The following ZNF560 variants were observed in gnomAD, a reference collection of about 807,000 sequenced individuals.
ZNF560 encodes the protein zinc finger protein 560.
ZNF560 carries 54 observed loss-of-function variants against 81.8 expected under a neutral mutation model. That is an observed-to-expected ratio of 0.66 (90% CI 0.53 to 0.83). The LOEUF is 0.83. Ranked by LOEUF, ZNF560 falls within the 40% of genes least tolerant of loss-of-function variation. ZNF560 has a pLI of 0.00. For synonymous variants in ZNF560, 321 were observed against 317.9 expected (o/e 1.01, Z -0.10); for missense variants, 940 against 932.4 (o/e 1.01, Z -0.11).
At chr19:9,499,555 A>C (rs1168015486), upstream of ZNF560, among the ~76,000 whole-genome samples, 2 of 152,198 alleles carry the variant, frequency 1.3e-5, no homozygotes, top group East Asian at 1.9e-4. Flanking sequence ...CTCAAATCTT[A>C]TCAAATGATT....
At chr19:9,464,941 C>T (rs978000328), downstream of ZNF560, among the ~76,000 whole-genome samples, 8 of 151,938 alleles carry the variant, frequency 5.3e-5, no homozygotes, top group South Asian at 2.1e-4. Context: ...CACTAAAGGA[C>T]GAAGAATATA....
At chr19:9,485,960 A>G (rs1341177361) in intron 2 of ZNF560, among the ~76,000 whole-genome samples, 1 of 152,224 alleles carries the variant, frequency 6.6e-6, no homozygotes, top group Non-Finnish European at 1.5e-5. Context: ...CATGAAAGGC[A>G]TCTGCCATAA....
rs201321286 is a variant in ZNF560 at position 9,466,853 on chromosome 19, G to T, written c.2094C>A (p.Cys698Ter). Residue 698 changes from cysteine to a stop codon, truncating the protein, a stop_gained, in exon 10 of 10, where the codon TGC becomes TGA. Transcript: ENST00000301480. LOFTEE classifies it high-confidence loss of function. ...ACGNSFRNSM[C>*]FHDRLKTLTK... is the part of the protein sequence containing the mutation. Reference sequence around the variant, plus strand: ...TGAGAGTTTTTAAGCGATCATGAAAGCACATGGAATTTCGAAAGGAATTTC... The same window carrying T: ...TGAGAGTTTTTAAGCGATCATGAAATCACATGGAATTTCGAAAGGAATTTC... The T allele has an allele frequency of 1.9e-4, 306 of 1,613,528 alleles. No individual in the cohort carries two copies. The highest frequency in any genetic ancestry group is 2.5e-4 in the Non-Finnish European group (294 of 1,179,944).
At chr19:9,456,780 A>G in the ZNF560 span, among the ~76,000 whole-genome samples, 1 of 152,208 alleles carries the variant, frequency 6.6e-6, no homozygotes, top group Non-Finnish European at 1.5e-5. Context: ...TAACTTCTAT[A>G]CCTATAAATT....
downstream of ZNF560, among the ~76,000 whole-genome samples, chr19:9,466,194 A>G (rs999715067): frequency 1.3e-5 from 2 of 151,710 alleles, no homozygotes; most frequent in African/African-American, 4.8e-5. Context: ...AAAATATAAA[A>G]AATTAGCCAG....
At chr19:9,483,267 G>A (rs1253724448) in intron 2 of ZNF560, among the ~76,000 whole-genome samples, 4 of 149,346 alleles carry the variant, frequency 2.7e-5, no homozygotes, top group Non-Finnish European at 5.9e-5. Context: ...GAGCACCTCT[G>A]CCCCGCCGCC....
chr19:9,477,269 A>G lies in ZNF560; in HGVS notation c.-56-1900T>C, dbSNP rs142698181. ...AACAATATCCCTATTTAGTGCTGAA[A>G]AAAATCTAAATTCAGAAAACACAAA... On this transcript the variant is annotated intron_variant, in intron 2 of 9. Transcript: ENST00000301480. 3.8e-3 allele frequency among the ~76,000 whole-genome samples: 585 copies of G among 152,254 alleles called. 4 individuals carry two copies. The highest frequency in any genetic ancestry group is 0.013 in the African/African-American group (557 of 41,512).
the ZNF560 span, among the ~76,000 whole-genome samples, chr19:9,455,951 A>G: frequency 6.6e-6 from 1 of 152,206 alleles, no homozygotes; most frequent in East Asian, 1.9e-4. Flanking sequence ...CCAACTACCC[A>G]TTGATGGAAA....
Position 9,474,317 on chromosome 19 carries a change from C to A in ZNF560, c.39G>T (p.Val13=), listed in dbSNP as rs368103962. 1.9e-6 allele frequency: 3 copies of A among 1,612,558 alleles called. No individual in the cohort carries two copies. In the African/African-American group the frequency reaches 4.0e-5, roughly 22 times the overall value. Residue 13 remains valine (V), a synonymous_variant, in exon 4 of 10, where the codon GTG becomes GTT. Transcript: ENST00000301480. ...YCLTNCYQYS[V]TFEDTAVDFT... ...AGTCCACAGCTGTATCCTCAAAGGT[C>A]ACGGAGTACTAAACCATCACATACA...
intron 4 of ZNF560, among the ~76,000 whole-genome samples, chr19:9,473,603 G>C (rs1342828110): frequency 6.6e-6 from 1 of 151,954 alleles, no homozygotes; most frequent in Non-Finnish European, 1.5e-5. Flanking sequence ...AATGGAAGAG[G>C]CTCATGCAAG....
intron 2 of ZNF560, among the ~76,000 whole-genome samples, chr19:9,495,683 G>C (rs1254345197): frequency 6.6e-6 from 1 of 152,058 alleles, no homozygotes; most frequent in South Asian, 2.1e-4. Context: ...CTCCAGCCTG[G>C]GCAACAGAGC....
downstream of ZNF560, among the ~76,000 whole-genome samples, chr19:9,465,196 T>C (rs2072996230): frequency 2.0e-5 from 3 of 150,240 alleles, no homozygotes; most frequent in African/African-American, 7.4e-5. Context: ...AGTGGCATGA[T>C]CTTGGCTAAC....
chr19:9,461,896 A>T (rs1297321952), downstream of ZNF560, among the ~76,000 whole-genome samples: 1 of 152,224 alleles, frequency 6.6e-6, no homozygotes, highest in Non-Finnish European at 1.5e-5. Flanking sequence ...AATGCCAGGA[A>T]CTGGAGTGCT....
chr19:9,483,532 G>C (rs575183327), intron 2 of ZNF560, among the ~76,000 whole-genome samples: 38 of 149,360 alleles, frequency 2.5e-4, no homozygotes, highest in Non-Finnish European at 2.4e-4. Flanking sequence ...CCGGGAGGGG[G>C]GTGGGGGGTC....
At chr19:9,485,251 A>C (rs1225241704) in intron 2 of ZNF560, among the ~76,000 whole-genome samples, 2 of 152,174 alleles carry the variant, frequency 1.3e-5, no homozygotes, top group African/African-American at 2.4e-5. Flanking sequence ...AATATCCCTA[A>C]GTATACAGAT....
downstream of ZNF560, among the ~76,000 whole-genome samples, chr19:9,464,400 A>G (rs1394931876): frequency 2.0e-5 from 3 of 152,198 alleles, no homozygotes; most frequent in Admixed American, 2.0e-4. Flanking sequence ...GCACTGCCTG[A>G]TAGTACAAGA....
At chr19:9,469,800 A>C in intron 7 of ZNF560, 90 bp from the exon 8 acceptor site, 1 of 1,028,306 alleles carries the variant, frequency 9.7e-7, no homozygotes, top group South Asian at 1.3e-5. Flanking sequence ...TTCTAATTAA[A>C]GCAGTGAAAA....
chr19:9,504,712 A>C, the ZNF560 span, among the ~76,000 whole-genome samples: 1 of 152,172 alleles, frequency 6.6e-6, no homozygotes, highest in Admixed American at 6.6e-5. Context: ...AAGTTTTGTC[A>C]TATAACTTTG....
the ZNF560 span, among the ~76,000 whole-genome samples, chr19:9,506,088 G>A: frequency 6.6e-6 from 1 of 151,976 alleles, no homozygotes; most frequent in Non-Finnish European, 1.5e-5. Flanking sequence ...CACCTCCTGG[G>A]TTCAGGTGAT....
Sources: allele counts gnomAD v4.1 joint callset (sites outside exome capture counted in the v4.1 genomes callset), GRCh38; gene constraint gnomAD v4.1.1; transcripts MANE v1.5; gene names NCBI Gene and HGNC (gene_info 2026-07-23, HGNC 2026-07-21).